Variants in GSE1 observed in about 807,000 individuals in gnomAD.
The protein encoded by GSE1 is Gse1 coiled-coil protein.
GSE1 carries 32 observed loss-of-function variants against 112.6 expected under a neutral mutation model. The observed-to-expected ratio is 0.28, with a 90% CI of 0.21 to 0.38. The LOEUF is 0.38. Ranked by LOEUF, GSE1 falls within the 10% of genes least tolerant of loss-of-function variation. GSE1 has a pLI of 1.00. For missense variants in GSE1, 2,348 were observed against 1,699.2 expected (o/e 1.38, Z -6.71); for synonymous variants, 1,115 against 735.6 (o/e 1.52, Z -8.35).
At chr16:85,300,666 C>T (rs1410883647) in intron 1 of GSE1, among the ~76,000 whole-genome samples, 5 of 152,224 alleles carry the variant, frequency 3.3e-5, no homozygotes, top group South Asian at 2.1e-4. Flanking sequence ...GGTCCGACCA[C>T]GTTTTGTGTG....
chr16:85,333,054 C>G (rs554561944), intron 1 of GSE1, among the ~76,000 whole-genome samples: 1 of 152,276 alleles, frequency 6.6e-6, no homozygotes, highest in African/African-American at 2.4e-5. Context: ...CCTTTGTACC[C>G]CGCCGCCTTG....
chr16:85,251,434 T>C (rs867751734), intron 1 of GSE1, among the ~76,000 whole-genome samples: 1 of 152,252 alleles, frequency 6.6e-6, no homozygotes, highest in Non-Finnish European at 1.5e-5. Flanking sequence ...CTGGCTGAGC[T>C]GCAGCACAGT....
chr16:85,575,713 G>T (rs533678168), intron 1 of GSE1, among the ~76,000 whole-genome samples: 42 of 152,214 alleles, frequency 2.8e-4, no homozygotes, highest in African/African-American at 1.0e-3. Context: ...TGTTATGGAA[G>T]AATGTCCTTT....
At chr16:85,665,333 G>C (rs1247241783) in intron 12 of GSE1, among the ~76,000 whole-genome samples, 2 of 152,262 alleles carry the variant, frequency 1.3e-5, no homozygotes, top group South Asian at 4.1e-4. Flanking sequence ...GCTCAGAGTT[G>C]AGGGGAGGGT....
intron 1 of GSE1, among the ~76,000 whole-genome samples, chr16:85,260,120 C>A (rs1301163137): frequency 6.6e-6 from 1 of 152,120 alleles, no homozygotes; most frequent in African/African-American, 2.4e-5. Flanking sequence ...ATGGGCAGCC[C>A]CCCCGCAGCA....
At chr16:85,331,025 A>C (rs186221344) in intron 1 of GSE1, among the ~76,000 whole-genome samples, 88 of 152,170 alleles carry the variant, frequency 5.8e-4, no homozygotes, top group Middle Eastern at 3.4e-3. Flanking sequence ...ATACCCTGCT[A>C]TGTTGCTTTA....
At chr16:85,203,281 C>T (rs1404943441) in intron 1 of GSE1, among the ~76,000 whole-genome samples, 1 of 152,182 alleles carries the variant, frequency 6.6e-6, no homozygotes, top group Non-Finnish European at 1.5e-5. Context: ...CTTCGCAGGG[C>T]ATAGCGCCAG....
At chr16:85,659,896 G>A (rs547545305) in intron 8 of GSE1, among the ~76,000 whole-genome samples, 39 of 152,340 alleles carry the variant, frequency 2.6e-4, no homozygotes, top group African/African-American at 9.1e-4. Context: ...CAGGCCACTT[G>A]GGCAGTGGGG....
At chr16:85,348,023 T>G (rs145981538) in intron 1 of GSE1, among the ~76,000 whole-genome samples, 1 of 152,174 alleles carries the variant, frequency 6.6e-6, no homozygotes, top group African/African-American at 2.4e-5. Flanking sequence ...AAGGCATTCA[T>G]GGACTTCTTG....
At chr16:85,231,399 G>C (rs1904284752) in intron 1 of GSE1, among the ~76,000 whole-genome samples, 1 of 142,250 alleles carries the variant, frequency 7.0e-6, no homozygotes, top group Non-Finnish European at 1.5e-5. Context: ...TGGATGGATA[G>C]CTGGACAGAG....
intron 2 of GSE1, among the ~76,000 whole-genome samples, chr16:85,645,801 C>G (rs1275799014): frequency 3.9e-5 from 6 of 152,202 alleles, no homozygotes; most frequent in African/African-American, 4.8e-5. Context: ...GGGCATCTAC[C>G]TGCTTCTACC....
chr16:85,209,910 T>C (rs1036327674), intron 1 of GSE1, among the ~76,000 whole-genome samples: 5 of 152,210 alleles, frequency 3.3e-5, no homozygotes, highest in Admixed American at 6.5e-5. Context: ...GTACTGAGCT[T>C]TCCTACCTCC....
Position 85,666,486 on chromosome 16 carries a change from G to A in GSE1, c.3130+139G>A, listed in dbSNP as rs563139563. On this transcript the variant is annotated intron_variant, in intron 13 of 15. Coordinates refer to ENST00000253458, the MANE Select transcript of GSE1 (RefSeq NM_014615.5). ...CCAATCACCAGAAGAAAATAATTTC[G>A]TTATTATGCCAAAACCATGTTTGTT... The A allele has an allele frequency of 1.0e-3, 802 of 765,474 alleles. 8 individuals are homozygous for A. In the South Asian group the frequency reaches 0.013, roughly 12 times the overall value. 47.4% of individuals were successfully genotyped at this position (765,474 alleles called of 1,614,324 possible).
intron 1 of GSE1, among the ~76,000 whole-genome samples, chr16:85,588,578 A>C (rs2046818081): frequency 6.6e-6 from 1 of 152,076 alleles, no homozygotes; most frequent in African/African-American, 2.4e-5. Flanking sequence ...AACAAGCAAA[A>C]CCGGGGGCTT....
intron 1 of GSE1, among the ~76,000 whole-genome samples, chr16:85,564,616 C>G (rs1478796447): frequency 6.6e-6 from 1 of 152,226 alleles, no homozygotes; most frequent in African/African-American, 2.4e-5. Flanking sequence ...AAGGCCACCA[C>G]TCCTGCCCCG....
At chr16:85,523,104 G>A (rs530089354) in intron 2 of GSE1, among the ~76,000 whole-genome samples, 16 of 151,126 alleles carry the variant, frequency 1.1e-4, no homozygotes, top group African/African-American at 2.9e-4. Context: ...TGTTGTGTGC[G>A]TGTGGTTGTG....
At chr16:85,623,100 C>G (rs567205872) in intron 1 of GSE1, among the ~76,000 whole-genome samples, 12 of 152,226 alleles carry the variant, frequency 7.9e-5, no homozygotes, top group African/African-American at 2.9e-4. Context: ...TTCTCGTTGA[C>G]TTGAAGCCTC....
rs544328780 is a variant in GSE1 at position 85,590,252 on chromosome 16, G to A, written c.37+33889G>A. Among the ~76,000 whole-genome samples, 10 of 152,056 alleles carry A rather than the reference G, an allele frequency of 6.6e-5. No individual in the cohort carries two copies. The South Asian group carries it at 1.0e-3, about 16-fold the overall frequency. ...TGTGCGTGTGTGAACGTGTGGGCCC[G>A]CGTGTGAATGAGTGTGAACTTGTGT... On this transcript the variant is annotated intron_variant, in intron 1 of 2. Transcript: ENST00000635906.
chr16:85,477,436 A>G (rs1275935635), intron 2 of GSE1, among the ~76,000 whole-genome samples: 1 of 150,798 alleles, frequency 6.6e-6, no homozygotes, highest in Non-Finnish European at 1.5e-5. Flanking sequence ...ACAGTCAAAC[A>G]TGCCCACAGC....
Sources: allele counts gnomAD v4.1 joint callset (sites outside exome capture counted in the v4.1 genomes callset), GRCh38; gene constraint gnomAD v4.1.1; transcripts MANE v1.5; gene names NCBI Gene and HGNC (gene_info 2026-07-23, HGNC 2026-07-21).